The following ENPP1 variants were observed in gnomAD, a reference collection of about 807,000 sequenced individuals.
The protein encoded by ENPP1 is ectonucleotide pyrophosphatase/phosphodiesterase 1, also known as ectonucleotide pyrophosphatase/phosphodiesterase family member 1.
ENPP1 carries 73 observed loss-of-function variants against 122.8 expected under a neutral mutation model. The observed-to-expected ratio is 0.59, with a 90% CI of 0.49 to 0.72. The LOEUF is 0.72. ENPP1 is among the 30% of genes least tolerant of loss of function. The probability of loss-of-function intolerance (pLI) is 0.00; values close to 1 mark genes in which losing one functional copy is unlikely to be tolerated. For missense variants in ENPP1, 978 were observed against 1,128.1 expected (o/e 0.87, Z 1.91); for synonymous variants, 367 against 391.6 (o/e 0.94, Z 0.74).
At chr6:131,886,055 G>C (rs1010001510) in intron 23 of ENPP1, among the ~76,000 whole-genome samples, 3 of 152,200 alleles carry the variant, frequency 2.0e-5, no homozygotes, top group Admixed American at 1.3e-4. Context: ...GGACATCTTT[G>C]ATAATATACT....
chr6:131,883,838 A>C, intron 22 of ENPP1, 64 bp downstream of exon 22: 2 of 829,650 alleles, frequency 2.4e-6, no homozygotes, highest in Non-Finnish European at 4.2e-6. Flanking sequence ...GGCATAATTC[A>C]TATGTAATAG....
chr6:131,888,326 G>A (rs919121511), intron 24 of ENPP1, among the ~76,000 whole-genome samples: 2 of 151,872 alleles, frequency 1.3e-5, no homozygotes, highest in East Asian at 3.9e-4. Context: ...CCAATGAATG[G>A]GTGGTAGGTA....
intron 1 of ENPP1, among the ~76,000 whole-genome samples, chr6:131,834,852 C>T (rs1370855049): frequency 6.6e-6 from 1 of 152,140 alleles, no homozygotes; most frequent in Non-Finnish European, 1.5e-5. Flanking sequence ...AGCCACCGCG[C>T]CCAGCTGAGG....
rs1782239849 is a variant in ENPP1, at chr6:131,877,135, A to T, written c.1867A>T (p.Asn623Tyr). 2 of 1,613,964 alleles carry T rather than the reference A, an allele frequency of 1.2e-6. No individual in the cohort carries two copies. Among genetic ancestry groups the T allele is most frequent in the East Asian group, 2.2e-5 (1 of 44,852 alleles). The change falls in exon 18 of 25, where the codon AAC becomes TAC. Residue 623 changes from asparagine (N) to tyrosine (Y), a missense_variant. Asn to Tyr is a moderately radical substitution (Grantham distance 143). This residue lies in a region of ENPP1 where 644 missense variants were observed against 781.5 expected (regional missense o/e 0.82). Coordinates refer to ENST00000647893, the MANE Select transcript of ENPP1 (RefSeq NM_006208.3). ...QCPFTRNPRD[N>Y]LGCSCNPSIL... ...CCCCTTCACAAGAAACCCCAGAGAT[A>T]ACCTTGGCTGCTCATGTAACCCTTC...
chr6:131,875,878 G>C lies in ENPP1; in HGVS notation c.1723+15G>C. 1 of 1,599,446 alleles carries C rather than the reference G, an allele frequency of 6.3e-7. No individual in the cohort carries two copies. ...CTTAATGTGTGGTAAGTGTGAACAG[G>C]TGCCTTTTTTCCCTTCTGAAAATAG... On this transcript the variant is annotated intron_variant, in intron 17 of 24. Transcript: ENST00000647893.
intron 1 of ENPP1, among the ~76,000 whole-genome samples, chr6:131,832,593 C>T (rs1348114066): frequency 6.6e-6 from 1 of 152,146 alleles, no homozygotes; most frequent in Non-Finnish European, 1.5e-5. Context: ...TCTGTAAACT[C>T]AAAAATCTCT....
At chr6:131,815,760 G>T (rs1380576762) in intron 1 of ENPP1, among the ~76,000 whole-genome samples, 2 of 151,666 alleles carry the variant, frequency 1.3e-5, no homozygotes, top group East Asian at 1.9e-4. Context: ...AAGTGCAGTG[G>T]AGTGAACTTG....
At position 131,893,949 on chromosome 6, in the gene ENPP1, C is replaced by CTTTTTTTTTTTTTTTTTTTTTTTT. The variant is rs564304453; in HGVS notation, c.*3445_*3468dup. The CTTTTTTTTTTTTTTTTTTTTTTTT allele has an allele frequency of 5.0e-5, 3 of 59,478 alleles. No individual in the cohort carries two copies. Among genetic ancestry groups the CTTTTTTTTTTTTTTTTTTTTTTTT allele is most frequent in the Non-Finnish European group, 6.1e-5 (2 of 32,642 alleles). 3.7% of individuals were successfully genotyped at this position (59,478 alleles called of 1,614,324 possible). A position where few individuals can be genotyped will look rare whatever the true frequency, so the allele number is the denominator to read the frequency against. On this transcript the variant is annotated 3_prime_UTR_variant, in exon 25 of 25. Coordinates refer to ENST00000647893, the MANE Select transcript of ENPP1 (RefSeq NM_006208.3). ...GTGAAACCTTTATTTATCTTGATTT[C>CTTTTTTTTTTTTTTTTTTTTTTTT]TTTTTTTTTTTTTTTTTTTTTTTTT...
At chr6:131,881,924 C>G (rs897405334) in intron 20 of ENPP1, among the ~76,000 whole-genome samples, 1 of 152,024 alleles carries the variant, frequency 6.6e-6, no homozygotes, top group South Asian at 2.1e-4. Context: ...GAAGCTGAGG[C>G]AGGAGAATCG....
intron 15 of ENPP1, 50 bp from the exon 16 acceptor site, chr6:131,874,216 TTA>T (rs2114716823): frequency 3.0e-6 from 3 of 1,011,008 alleles, no homozygotes; most frequent in South Asian, 2.6e-5. Flanking sequence ...TGATTATCAA[TTA>T]TGTTTTATGA....
At chr6:131,849,340 C>T (rs893746883) in intron 2 of ENPP1, among the ~76,000 whole-genome samples, 2 of 151,966 alleles carry the variant, frequency 1.3e-5, no homozygotes, top group Non-Finnish European at 2.9e-5. Flanking sequence ...AGGGGAAGGA[C>T]AAGGTTTTAT....
chr6:131,891,088 G>C lies in ENPP1; in HGVS notation c.*577G>C, dbSNP rs891388334. On this transcript the variant is annotated 3_prime_UTR_variant, in exon 25 of 25. Coordinates refer to ENST00000647893, the MANE Select transcript of ENPP1 (RefSeq NM_006208.3). ...TCAAAATCCAAGTTATTAATCTTAT[G>C]TGTTTTCTTTTTAATTTTTTGATTG... The C allele has an allele frequency of 1.3e-5, 2 of 152,360 alleles. No homozygotes were observed. Among genetic ancestry groups the C allele is most frequent in the African/African-American group, 4.8e-5 (2 of 41,356 alleles). The allele number at this position is 152,360 out of a possible 1,614,324, so 9.4% of individuals were successfully genotyped here.
intron 10 of ENPP1, 88 bp downstream of exon 10, chr6:131,864,659 A>G (rs1782066231): frequency 2.1e-6 from 2 of 955,866 alleles, no homozygotes; most frequent in African/African-American, 1.6e-5. Context: ...AAACTTTGCT[A>G]TTTGCTATGA....
chr6:131,888,804 G>C (rs745631283), intron 24 of ENPP1, among the ~76,000 whole-genome samples: 16 of 152,172 alleles, frequency 1.1e-4, no homozygotes, highest in Non-Finnish European at 1.8e-4. Flanking sequence ...TTTCGTTTGA[G>C]AGATTATATT....
intron 1 of ENPP1, among the ~76,000 whole-genome samples, chr6:131,818,428 C>T (rs1394993147): frequency 1.3e-5 from 2 of 152,032 alleles, no homozygotes; most frequent in African/African-American, 4.8e-5. Flanking sequence ...GGGTGGATCA[C>T]GAGGTCAGGA....
intron 1 of ENPP1, among the ~76,000 whole-genome samples, chr6:131,837,403 G>A (rs1373356938): frequency 6.6e-6 from 1 of 151,370 alleles, no homozygotes; most frequent in Non-Finnish European, 1.5e-5. Context: ...GCGCATGCCT[G>A]TAGTCCCAGC....
intron 1 of ENPP1, among the ~76,000 whole-genome samples, chr6:131,832,246 T>TTC (rs886461287): frequency 1.3e-5 from 2 of 152,188 alleles, no homozygotes; most frequent in African/African-American, 4.8e-5. Context: ...AAAAGTCAGT[T>TTC]TCTCCACCCT....
chr6:131,844,217 A>G (rs1222363279), intron 1 of ENPP1, among the ~76,000 whole-genome samples: 9 of 152,246 alleles, frequency 5.9e-5, no homozygotes. Flanking sequence ...CTAGCTTTGC[A>G]TGATTCTCTG....
At chr6:131,814,027 T>C (rs779432504) in intron 1 of ENPP1, among the ~76,000 whole-genome samples, 13 of 152,226 alleles carry the variant, frequency 8.5e-5, no homozygotes, top group Non-Finnish European at 1.6e-4. Flanking sequence ...GTTAAAGCTT[T>C]CTGTAAGCTT....
Sources: allele counts gnomAD v4.1 joint callset (sites outside exome capture counted in the v4.1 genomes callset), GRCh38; gene constraint gnomAD v4.1.1; regional missense constraint gnomAD v4.1.1; transcripts MANE v1.5; gene names NCBI Gene and HGNC (gene_info 2026-07-23, HGNC 2026-07-21).